Variants in FAT3 observed in about 807,000 individuals in gnomAD.
FAT3 encodes the protein FAT atypical cadherin 3, also known as protocadherin Fat 3.
In FAT3, 95 loss-of-function variants were observed where a neutral mutation model predicts 310.2. That is an observed-to-expected ratio of 0.31 (90% CI 0.26 to 0.36). The LOEUF (loss-of-function observed/expected upper bound fraction) is 0.36, where lower values mean the gene tolerates loss of function less well. Among genes scored for constraint, FAT3 ranks in the 10% least tolerant of loss-of-function variants. The probability of loss-of-function intolerance (pLI) is 1.00; values close to 1 mark genes in which losing one functional copy is unlikely to be tolerated. For synonymous variants in FAT3, 2,314 were observed against 2,192.9 expected, an observed-to-expected ratio of 1.06 and a Z score of -1.54; for missense variants, 5,408 against 5,715.6, an observed-to-expected ratio of 0.95 and a Z score of 1.74.
chr11:92,467,503 A>T (rs889753293), intron 2 of FAT3, among the ~76,000 whole-genome samples: 3 of 152,232 alleles, frequency 2.0e-5, no homozygotes, highest in Admixed American at 6.5e-5. Context: ...GAAACCCGTG[A>T]TTAGCCCACT....
intron 1 of FAT3, among the ~76,000 whole-genome samples, chr11:92,244,817 C>T (rs778559657): frequency 2.0e-5 from 3 of 151,920 alleles, no homozygotes; most frequent in Non-Finnish European, 2.9e-5. Context: ...GTTAGAATAG[C>T]GATCATTAAA....
intron 3 of FAT3, among the ~76,000 whole-genome samples, chr11:92,558,645 T>G (rs1955105799): frequency 6.6e-6 from 1 of 152,204 alleles, no homozygotes; most frequent in South Asian, 2.1e-4. Context: ...GAAAGGTAAT[T>G]AATAATACAA....
intron 3 of FAT3, among the ~76,000 whole-genome samples, chr11:92,541,061 T>C (rs1469422064): frequency 2.0e-5 from 3 of 152,172 alleles, no homozygotes; most frequent in Non-Finnish European, 4.4e-5. Flanking sequence ...TTTACCCAAA[T>C]AGAGAAAAGA....
At chr11:92,739,112 A>G (rs7101956) in intron 4 of FAT3, among the ~76,000 whole-genome samples, 4,166 of 152,202 alleles carry the variant, frequency 0.027, 213 homozygotes, top group African/African-American at 0.095. Flanking sequence ...AGGCAAAGCT[A>G]CATAAAAGGA....
At chr11:92,650,523 T>C in intron 3 of FAT3, among the ~76,000 whole-genome samples, 1 of 152,174 alleles carries the variant, frequency 6.6e-6, no homozygotes, top group East Asian at 1.9e-4. Flanking sequence ...CAGACAGCCC[T>C]AGGCAGTGGA....
chr11:92,834,843 T>C, intron 14 of FAT3, 27 bp from the exon 15 acceptor site: 1 of 1,550,730 alleles, frequency 6.4e-7, no homozygotes. Flanking sequence ...CCTAATGAAA[T>C]ATAAAGCTCC....
rs143451198 is a variant in FAT3 at position 92,301,855 on chromosome 11, G to A, written c.-17-50241G>A. 6.6e-3 allele frequency among the ~76,000 whole-genome samples: 1,009 copies of A among 152,142 alleles called. 3 individuals carry two copies. The highest frequency in any genetic ancestry group is 0.016 in the South Asian group (78 of 4,820). ...TGTTTAGGTGCAACTGTAAGCACAA[G>A]AATCCATACGATTCCTCACCTCTTT... is the stretch of plus-strand genomic sequence containing the variant. On this transcript the variant is annotated intron_variant, in intron 1 of 27. Coordinates refer to ENST00000525166, the MANE Select transcript of FAT3 (RefSeq NM_001367949.2).
At chr11:92,588,125 C>T (rs868820092) in intron 3 of FAT3, among the ~76,000 whole-genome samples, 7 of 152,030 alleles carry the variant, frequency 4.6e-5, no homozygotes, top group Middle Eastern at 6.8e-3. Flanking sequence ...AAGTTCTGAC[C>T]TTTACCAATA....
intron 2 of FAT3, among the ~76,000 whole-genome samples, chr11:92,362,051 C>CT (rs1229625091): frequency 2.0e-5 from 3 of 152,098 alleles, no homozygotes; most frequent in Non-Finnish European, 2.9e-5. Flanking sequence ...CAGTTATTTT[C>CT]TTTTTTTTCT....
At chr11:92,847,760 C>G (rs767242788) in intron 19 of FAT3, among the ~76,000 whole-genome samples, 7 of 152,176 alleles carry the variant, frequency 4.6e-5, no homozygotes, top group Non-Finnish European at 7.3e-5. Flanking sequence ...CAGGAGCAGG[C>G]TCTTTGTTTT....
intron 3 of FAT3, among the ~76,000 whole-genome samples, chr11:92,545,424 A>G (rs1954584577): frequency 6.6e-6 from 1 of 152,164 alleles, no homozygotes; most frequent in African/African-American, 2.4e-5. Flanking sequence ...CATTGGATAT[A>G]GTTTCTTGAA....
chr11:92,797,730 T>C, intron 9 of FAT3, 106 bp from the exon 10 acceptor site: 1 of 953,656 alleles, frequency 1.0e-6, no homozygotes, highest in Non-Finnish European at 1.6e-6. Flanking sequence ...CTATAATTGC[T>C]TTCTACTTGC....
At chr11:92,643,158 C>T (rs932150751) in intron 3 of FAT3, among the ~76,000 whole-genome samples, 5 of 152,226 alleles carry the variant, frequency 3.3e-5, no homozygotes, top group African/African-American at 1.2e-4. Context: ...CCTGAACCTA[C>T]TAACTGAAAA....
chr11:92,331,003 TGAGAGAGAGAGAGA>T (rs67328951), intron 1 of FAT3, among the ~76,000 whole-genome samples: 3,604 of 133,556 alleles, frequency 0.027, 69 homozygotes, highest in Middle Eastern at 0.046. Flanking sequence ...TGTGTGTGTG[TGAGAGAGAGAGAGA>T]GAGAAACATT....
intron 1 of FAT3, among the ~76,000 whole-genome samples, chr11:92,273,082 CA>C (rs1364758398): frequency 6.6e-6 from 1 of 152,088 alleles, no homozygotes; most frequent in Non-Finnish European, 1.5e-5. Context: ...TTCTATAAAT[CA>C]ATCCTCTATT....
chr11:92,565,318 T>C lies in FAT3; in HGVS notation c.3607+40370T>C, dbSNP rs925365056. Among the ~76,000 whole-genome samples, 553 of 147,886 alleles carry C rather than the reference T, an allele frequency of 3.7e-3. 1 individual carries two copies. The highest frequency in any genetic ancestry group is 0.013 in the African/African-American group (527 of 40,320). ...CGGATAAATTCCTCGACACATACAC[T>C]CTCCCAAGACTAAACCAGGAAGAAG... On this transcript the variant is annotated intron_variant, in intron 3 of 27. Coordinates refer to ENST00000525166, the MANE Select transcript of FAT3 (RefSeq NM_001367949.2).
At chr11:92,659,578 T>C (rs1482926022) in intron 3 of FAT3, among the ~76,000 whole-genome samples, 2 of 152,160 alleles carry the variant, frequency 1.3e-5, no homozygotes, top group African/African-American at 4.8e-5. Context: ...AGATGAAAAA[T>C]TCAGGAAGTC....
intron 2 of FAT3, among the ~76,000 whole-genome samples, chr11:92,466,715 A>C (rs1951770188): frequency 7.2e-6 from 1 of 139,394 alleles, no homozygotes; most frequent in African/African-American, 2.6e-5. Context: ...TGTATCTCCT[A>C]ATGCTATCCC....
At chr11:92,404,705 T>C (rs1950098532) in intron 2 of FAT3, among the ~76,000 whole-genome samples, 1 of 151,904 alleles carries the variant, frequency 6.6e-6, no homozygotes, top group Non-Finnish European at 1.5e-5. Flanking sequence ...CTACATTTGT[T>C]TGTGAGGATG....
Sources: allele counts gnomAD v4.1 joint callset (sites outside exome capture counted in the v4.1 genomes callset), GRCh38; gene constraint gnomAD v4.1.1; transcripts MANE v1.5; gene names NCBI Gene and HGNC (gene_info 2026-07-23, HGNC 2026-07-21).